NRL: variants seen among roughly 807,000 people sequenced by gnomAD.
NRL encodes neural retina leucine zipper, also known as neural retina-specific leucine zipper protein.
A neutral mutation model predicts 12.5 loss-of-function variants in NRL; 16 were observed. That is an observed-to-expected ratio of 1.28 (90% CI 0.87 to 1.95). The LOEUF (loss-of-function observed/expected upper bound fraction) is 1.95, where lower values mean the gene tolerates loss of function less well. Among genes scored for constraint, NRL ranks in the 30% most tolerant of loss-of-function variants. NRL has a pLI of 0.00. For missense variants in NRL, 314 were observed against 325.8 expected (o/e 0.96, Z 0.28); for synonymous variants, 142 against 150.9 (o/e 0.94, Z 0.43).
chr14:24,099,830 A>C, intron 1 of NRL: 1 of 1,506,960 alleles, frequency 6.6e-7, no homozygotes, highest in African/African-American at 1.4e-5. Context: ...CTGAACACCC[A>C]ACCCTGCTCC....
rs868379517 is a variant in NRL, at chr14:24,094,421, C to T, written c.-27-11546G>A. The T allele has an allele frequency of 1.3e-6, 2 of 1,558,104 alleles. No individual in the cohort carries two copies. The highest frequency in any genetic ancestry group is 2.4e-5 in the East Asian group (1 of 41,138). ...CCCAGGTGCCATGGCCGCATTGTAC[C>T]GCCCTGGCCTGCGGTGAGTGACCCC... On this transcript the variant is annotated intron_variant, in intron 1 of 2. Transcript: ENST00000561028. This position sits in a 1 kb window ranked among gnomAD's most constrained non-coding sequence, Gnocchi z 4.1.
chr14:24,081,823 G>A lies in NRL; in HGVS notation c.382-255C>T. ...TGCAGGGCCGGCCACGGTCAGGCGA[G>A]CCCGTCGCGCACCTAAACCCCGGGC... On this transcript the variant is annotated intron_variant, in intron 2 of 2. Transcript: ENST00000561028. The surrounding 1 kb of genome is among the most constrained non-coding windows in gnomAD (Gnocchi z 4.4). 3 of 1,441,388 alleles carry A rather than the reference G, an allele frequency of 2.1e-6. No homozygotes were observed. The highest frequency in any genetic ancestry group is 2.7e-6 in the Non-Finnish European group (3 of 1,100,008). 89.3% of individuals were successfully genotyped at this position (1,441,388 alleles called of 1,614,324 possible).
intron 1 of NRL, chr14:24,099,469 C>T: frequency 4.0e-6 from 5 of 1,251,124 alleles, no homozygotes; most frequent in Non-Finnish European, 5.6e-6. Context: ...ATTGGTCCTC[C>T]CTATTAGACC....
intron 2 of NRL, chr14:24,082,010 C>G: frequency 8.3e-7 from 1 of 1,203,686 alleles, no homozygotes; most frequent in South Asian, 1.7e-5. Flanking sequence ...GCCCGCAACA[C>G]CCCCATCTGT....
Position 24,094,760 on chromosome 14 carries a change from TC to T in NRL, c.-27-11886del. 1 of 1,435,062 alleles carries T rather than the reference TC, an allele frequency of 7.0e-7. No homozygotes were observed. The allele number at this position is 1,435,062 out of a possible 1,614,324, so 88.9% of individuals were successfully genotyped here. A position where few individuals can be genotyped will look rare whatever the true frequency, so the allele number is the denominator to read the frequency against. On this transcript the variant is annotated intron_variant, in intron 1 of 2. Transcript: ENST00000561028. The surrounding 1 kb of genome is among the most constrained non-coding windows in gnomAD (Gnocchi z 4.1). ...AGGTCTCCGCATATCCTCCTTTCCT[TC>T]CCAGATACCTCCCTCGGACCTCTAA...
intron 1 of NRL, among the ~76,000 whole-genome samples, chr14:24,087,378 G>C (rs2036492096): frequency 6.6e-6 from 1 of 152,158 alleles, no homozygotes; most frequent in South Asian, 2.1e-4. Context: ...AGGACAGAAA[G>C]GTAGCAAGAT....
intron 1 of NRL, among the ~76,000 whole-genome samples, chr14:24,087,176 G>A (rs1253229890): frequency 6.6e-6 from 1 of 152,212 alleles, no homozygotes; most frequent in East Asian, 1.9e-4. Flanking sequence ...ACAGAAAGAT[G>A]TAGGCACATG....
At chr14:24,111,517 G>C (rs1420391544) in intron 1 of NRL, among the ~76,000 whole-genome samples, 1 of 151,224 alleles carries the variant, frequency 6.6e-6, no homozygotes, top group Non-Finnish European at 1.5e-5. Context: ...GGGATTACAA[G>C]CGCATGCCAC....
chr14:24,099,817 T>C, intron 1 of NRL: 2 of 1,510,556 alleles, frequency 1.3e-6, no homozygotes, highest in Non-Finnish European at 1.8e-6. Flanking sequence ...GTGAGAAAGT[T>C]TCCTGAACAC....
At chr14:24,084,481 G>T in intron 1 of NRL, 1 of 920,778 alleles carries the variant, frequency 1.1e-6, no homozygotes, top group Non-Finnish European at 1.3e-6. Flanking sequence ...GGTTCTAGGT[G>T]AGCGGCCTGA....
intron 1 of NRL, chr14:24,103,730 G>T (rs1193364826): frequency 1.9e-6 from 3 of 1,614,134 alleles, no homozygotes; most frequent in Admixed American, 1.7e-5. Context: ...GGCGGTTAGA[G>T]GGGGAGGACA....
rs988280809 is a variant in NRL, at chr14:24,094,251, C to T, written c.-27-11376G>A. The T allele has an allele frequency of 8.6e-6, 6 of 698,296 alleles. No homozygotes were observed. The highest frequency in any genetic ancestry group is 1.4e-5 in the Non-Finnish European group (6 of 420,002). The allele number at this position is 698,296 out of a possible 1,614,324, so 43.3% of individuals were successfully genotyped here. On this transcript the variant is annotated intron_variant, in intron 1 of 2. Coordinates refer to ENST00000561028, the MANE Select transcript of NRL (RefSeq NM_001354768.3). This position sits in a 1 kb window ranked among gnomAD's most constrained non-coding sequence, Gnocchi z 4.1. ...CGGAGGAAAGCTAGTGCCAGCCCTA[C>T]CAGGTTCCGCCCCCGCGCCTGCCCC...
At chr14:24,087,142 C>A (rs2036485964) in intron 1 of NRL, among the ~76,000 whole-genome samples, 1 of 152,018 alleles carries the variant, frequency 6.6e-6, no homozygotes, top group South Asian at 2.1e-4. Flanking sequence ...GTCAGGGTCT[C>A]CATGGGGATT....
At chr14:24,095,701 A>C (rs1001795642) in intron 1 of NRL, among the ~76,000 whole-genome samples, 1 of 152,112 alleles carries the variant, frequency 6.6e-6, no homozygotes, top group Non-Finnish European at 1.5e-5. Context: ...CATCCCCTTC[A>C]TGGTCTTTGC....
intron 1 of NRL, chr14:24,095,187 C>T (rs1344601510): frequency 6.6e-6 from 3 of 455,964 alleles, no homozygotes; most frequent in South Asian, 1.5e-5. Flanking sequence ...TCGCACAGCC[C>T]GTTCCACTTG....
intron 1 of NRL, among the ~76,000 whole-genome samples, chr14:24,091,594 AG>A (rs1337524834): frequency 6.6e-6 from 1 of 152,208 alleles, no homozygotes; most frequent in Non-Finnish European, 1.5e-5. Flanking sequence ...TGGTAAATCA[AG>A]GGGACAGTAT....
intron 1 of NRL, among the ~76,000 whole-genome samples, chr14:24,092,874 T>C (rs1377266784): frequency 6.6e-6 from 1 of 152,262 alleles, no homozygotes; most frequent in African/African-American, 2.4e-5. Flanking sequence ...CCTGCTCTGC[T>C]TCCTCTAGGC....
chr14:24,103,294 A>G, intron 1 of NRL: 1 of 1,502,896 alleles, frequency 6.7e-7, no homozygotes, highest in Non-Finnish European at 9.2e-7. Flanking sequence ...CTGTGTGTGC[A>G]CACAGCACGT....
At chr14:24,104,672 A>C (rs1228870964) in intron 1 of NRL, among the ~76,000 whole-genome samples, 3 of 151,896 alleles carry the variant, frequency 2.0e-5, no homozygotes, top group African/African-American at 7.3e-5. Context: ...ACAAAACAAA[A>C]AAAAAACTGA....
Sources: gnomAD v4.1 joint callset for allele counts (sites outside exome capture counted in the v4.1 genomes callset) on GRCh38, gnomAD v4.1.1 for gene constraint, Gnocchi (gnomAD v3.1) non-coding constraint, MANE v1.5 for transcripts, NCBI Gene and HGNC (gene_info 2026-07-23, HGNC 2026-07-21) for gene names.